Variants in RAB5A observed in about 807,000 individuals in gnomAD.
The protein encoded by RAB5A is RAB5A, member RAS oncogene family, also known as ras-related protein Rab-5A.
A neutral mutation model predicts 25.7 loss-of-function variants in RAB5A; 8 were observed. The observed-to-expected ratio is 0.31, with a 90% CI of 0.18 to 0.56. RAB5A has a LOEUF of 0.56. Among genes scored for constraint, RAB5A ranks in the 20% least tolerant of loss-of-function variants. The pLI is 0.91. For synonymous variants in RAB5A, 98 were observed against 89.8 expected, an observed-to-expected ratio of 1.09 and a Z score of -0.52; for missense variants, 192 against 259.7, an observed-to-expected ratio of 0.74 and a Z score of 1.79.
intron 2 of RAB5A, among the ~76,000 whole-genome samples, chr3:19,956,402 C>T (rs532772813): frequency 2.6e-4 from 40 of 152,198 alleles, no homozygotes; most frequent in African/African-American, 8.4e-4. Context: ...TGCAGTGAGC[C>T]GAGATCGCGC....
chr3:19,976,576 T>G (rs1177311423), intron 4 of RAB5A, among the ~76,000 whole-genome samples: 1 of 152,094 alleles, frequency 6.6e-6, no homozygotes, highest in African/African-American at 2.4e-5. Context: ...TCCCAGCTAC[T>G]TGGGAGGCTG....
At chr3:19,966,507 AAG>A (rs1696664568) in intron 2 of RAB5A, among the ~76,000 whole-genome samples, 1 of 152,180 alleles carries the variant, frequency 6.6e-6, no homozygotes, top group East Asian at 1.9e-4. Context: ...TTGGTGTACA[AAG>A]AGTGTTTTAA....
rs775305902 is a variant in RAB5A, at chr3:19,983,789, C to T, written c.614C>T (p.Thr205Ile). Residue 205 changes from threonine to isoleucine, a missense_variant, in exon 6 of 6, where the codon ACA (threonine) becomes ATA (isoleucine). Coordinates refer to ENST00000273047, the MANE Select transcript of RAB5A (RefSeq NM_004162.5). ...RGRGVDLTEP[T>I]QPTRNQCCSN is the part of the protein sequence containing the mutation. The stretch of plus-strand genomic sequence containing the variant: ...AGAGGAGTAGACCTTACCGAACCCA[C>T]ACAACCAACCAGGAATCAGTGTTGT... 6 of 1,610,946 alleles carry T rather than the reference C, an allele frequency of 3.7e-6. No homozygotes were observed. Among genetic ancestry groups the T allele is most frequent in the Non-Finnish European group, 5.1e-6 (6 of 1,177,908 alleles).
Position 19,966,175 on chromosome 3 carries a change from G to A in RAB5A, c.164-9426G>A, listed in dbSNP as rs1271218225. 3.3e-5 allele frequency among the ~76,000 whole-genome samples: 5 copies of A among 152,248 alleles called. No individual in the cohort carries two copies. The South Asian group carries it at 1.0e-3, about 32-fold the overall frequency. On this transcript the variant is annotated intron_variant, in intron 2 of 5. Transcript: ENST00000273047. ...CTTTATCTTCCCTAGCTGAAACTCT[G>A]CACCCACTAAACAATAACTACCCCT... is the stretch of plus-strand genomic sequence containing the variant.
chr3:19,951,719 T>TTTTTTTTTTTTTTTA (rs1553638043), intron 2 of RAB5A, among the ~76,000 whole-genome samples: 1 of 147,638 alleles, frequency 6.8e-6, no homozygotes, highest in Non-Finnish European at 1.5e-5. Context: ...TTTTTTTTTT[T>TTTTTTTTTTTTTTTA]AAGAGTCAGA....
intron 2 of RAB5A, chr3:19,970,534 C>G (rs1229171868): frequency 2.2e-6 from 1 of 456,556 alleles, no homozygotes; most frequent in African/African-American, 2.0e-5. Context: ...CTCTACTTGT[C>G]ATCGCGTACA....
rs1575063601 is a variant in RAB5A at position 19,947,224 on chromosome 3, CAGAGGGAGGAGGA to C, written c.-390_-378del. 1 of 170,666 alleles carries C rather than the reference CAGAGGGAGGAGGA, an allele frequency of 5.9e-6. No homozygotes were observed. Among genetic ancestry groups the C allele is most frequent in the Non-Finnish European group, 1.2e-5 (1 of 82,218 alleles). The allele number at this position is 170,666 out of a possible 1,614,324, so 10.6% of individuals were successfully genotyped here. A position where few individuals can be genotyped will look rare whatever the true frequency, so the allele number is the denominator to read the frequency against. ...CGGCGGCTGGCCTTAGGGGAGGAGG[CAGAGGGAGGAGGA>C]GGAGGAAGAATTAGTCGGAACTCCA... On this transcript the variant is annotated 5_prime_UTR_variant, in exon 1 of 6. Transcript: ENST00000273047.
intron 2 of RAB5A, 130 bp downstream of exon 2, chr3:19,951,191 A>T (rs991201404): frequency 1.9e-6 from 2 of 1,042,588 alleles, no homozygotes; most frequent in African/African-American, 1.6e-5. Flanking sequence ...TGTTCAGCTT[A>T]CCTTAGCTTT....
intron 2 of RAB5A, among the ~76,000 whole-genome samples, chr3:19,972,639 A>G (rs1223202596): frequency 6.6e-6 from 1 of 152,176 alleles, no homozygotes; most frequent in African/African-American, 2.4e-5. Flanking sequence ...AGGAATGGAT[A>G]TTGACTCAAA....
intron 1 of RAB5A, 55 bp from the exon 2 acceptor site, chr3:19,950,751 A>G: frequency 1.4e-6 from 1 of 701,860 alleles, no homozygotes; most frequent in South Asian, 2.3e-5. Context: ...AAAGTGATTA[A>G]TAGTAAATTT....
At chr3:19,983,468 A>T (rs1696971994) in intron 5 of RAB5A, among the ~76,000 whole-genome samples, 1 of 152,114 alleles carries the variant, frequency 6.6e-6, no homozygotes, top group Non-Finnish European at 1.5e-5. Flanking sequence ...TTTTAATTGT[A>T]TCTACAACCA....
chr3:19,951,385 C>G (rs1049132078), intron 2 of RAB5A, among the ~76,000 whole-genome samples: 1 of 152,152 alleles, frequency 6.6e-6, no homozygotes, highest in Non-Finnish European at 1.5e-5. Flanking sequence ...CAAATTAATA[C>G]AGTACATGTT....
intron 2 of RAB5A, among the ~76,000 whole-genome samples, chr3:19,961,344 C>T (rs1696581534): frequency 6.6e-6 from 1 of 152,132 alleles, no homozygotes; most frequent in Non-Finnish European, 1.5e-5. Flanking sequence ...AAATGCCATT[C>T]ATGTTCTGGA....
intron 2 of RAB5A, among the ~76,000 whole-genome samples, chr3:19,968,538 A>G (rs983935511): frequency 6.6e-6 from 1 of 152,220 alleles, no homozygotes; most frequent in South Asian, 2.1e-4. Context: ...AGCTCACTGC[A>G]ACCTCCGCCT....
chr3:19,962,374 CCTGA>C (rs1467256385), intron 2 of RAB5A, among the ~76,000 whole-genome samples: 1 of 152,110 alleles, frequency 6.6e-6, no homozygotes, highest in Non-Finnish European at 1.5e-5. Context: ...TCGAGACCAG[CCTGA>C]CTAACATAGT....
At chr3:19,962,167 C>T (rs1696595361) in intron 2 of RAB5A, among the ~76,000 whole-genome samples, 1 of 152,198 alleles carries the variant, frequency 6.6e-6, no homozygotes, top group South Asian at 2.1e-4. Flanking sequence ...AGATAGATAG[C>T]ATCTGTTCTA....
chr3:19,962,313 T>G (rs1419822956), intron 2 of RAB5A, among the ~76,000 whole-genome samples: 4 of 152,184 alleles, frequency 2.6e-5, no homozygotes, highest in Non-Finnish European at 4.4e-5. Context: ...CTCACACCTG[T>G]AATCCCAGCA....
At chr3:19,960,589 C>A (rs1696571438) in intron 2 of RAB5A, among the ~76,000 whole-genome samples, 1 of 152,196 alleles carries the variant, frequency 6.6e-6, no homozygotes, top group African/African-American at 2.4e-5. Context: ...GCGTAAGCCA[C>A]TTTTTCAGGC....
At chr3:19,968,423 C>T (rs75072417) in intron 2 of RAB5A, among the ~76,000 whole-genome samples, 1,596 of 152,260 alleles carry the variant, frequency 0.01, 21 homozygotes, top group African/African-American at 0.037. Flanking sequence ...TCTAGCCAAA[C>T]TACCCAGTGT....
Sources: allele counts gnomAD v4.1 joint callset (sites outside exome capture counted in the v4.1 genomes callset), GRCh38; gene constraint gnomAD v4.1.1; transcripts MANE v1.5; gene names NCBI Gene and HGNC (gene_info 2026-07-23, HGNC 2026-07-21).